The following EGFLAM variants were observed in gnomAD, a reference collection of about 807,000 sequenced individuals.
EGFLAM encodes pikachurin.
EGFLAM carries 79 observed loss-of-function variants against 113.1 expected under a neutral mutation model. That is an observed-to-expected ratio of 0.70 (90% CI 0.58 to 0.84). EGFLAM has a LOEUF of 0.84. Ranked by LOEUF, EGFLAM falls within the 40% of genes least tolerant of loss-of-function variation. The probability of loss-of-function intolerance (pLI) is 0.00; values close to 1 mark genes in which losing one functional copy is unlikely to be tolerated. For synonymous variants in EGFLAM, 504 were observed against 487.6 expected, an observed-to-expected ratio of 1.03 and a Z score of -0.44; for missense variants, 1,265 against 1,291.6, an observed-to-expected ratio of 0.98 and a Z score of 0.32.
chr5:38,260,502 C>T (rs1292554171), intron 1 of EGFLAM, among the ~76,000 whole-genome samples: 4 of 152,106 alleles, frequency 2.6e-5, no homozygotes, highest in Non-Finnish European at 5.9e-5. Context: ...CTACCTGGTT[C>T]ATTCAGGGTC....
At chr5:38,374,251 C>T (rs1740306064) in intron 6 of EGFLAM, among the ~76,000 whole-genome samples, 1 of 152,096 alleles carries the variant, frequency 6.6e-6, no homozygotes, top group Non-Finnish European at 1.5e-5. Context: ...TTTATCAAGA[C>T]AGGGGAATTG....
chr5:38,275,392 G>A (rs1224307213), intron 1 of EGFLAM, among the ~76,000 whole-genome samples: 1 of 151,970 alleles, frequency 6.6e-6, no homozygotes, highest in African/African-American at 2.4e-5. Flanking sequence ...CTGTGCAAAT[G>A]GAAACCAAAA....
intron 5 of EGFLAM, among the ~76,000 whole-genome samples, chr5:38,357,397 A>G (rs1017315918): frequency 6.6e-6 from 1 of 152,160 alleles, no homozygotes; most frequent in African/African-American, 2.4e-5. Flanking sequence ...TGTTGTTTAT[A>G]AGTTACCTAG....
At chr5:38,279,345 A>T (rs1896659) in intron 1 of EGFLAM, among the ~76,000 whole-genome samples, 92,531 of 151,998 alleles carry the variant, frequency 0.61, 29,082 homozygotes, top group African/African-American at 0.75. Context: ...TACCATATGA[A>T]CCAGCAATCC....
chr5:38,374,107 A>C (rs1740301997), intron 6 of EGFLAM, among the ~76,000 whole-genome samples: 1 of 152,120 alleles, frequency 6.6e-6, no homozygotes, highest in African/African-American at 2.4e-5. Flanking sequence ...TTTAATTTGC[A>C]TTTCTCTGAT....
chr5:38,444,674 G>A (rs1448038215), intron 17 of EGFLAM, among the ~76,000 whole-genome samples: 1 of 152,220 alleles, frequency 6.6e-6, no homozygotes, highest in Admixed American at 6.5e-5. Context: ...GCCAGGCGCA[G>A]TGGCTCACAC....
chr5:38,463,785 G>A, intron 21 of EGFLAM, 47 bp from the exon 22 acceptor site: 1 of 1,601,454 alleles, frequency 6.2e-7, no homozygotes, highest in Non-Finnish European at 8.5e-7. Flanking sequence ...TTGCCCTGCG[G>A]ACACCTGTCC....
chr5:38,445,512 C>T (rs1464265925), intron 17 of EGFLAM: 3 of 1,523,804 alleles, frequency 2.0e-6, no homozygotes, highest in Non-Finnish European at 1.8e-6. Flanking sequence ...TGGTTCCCCG[C>T]GGGGCTCATA....
intron 1 of EGFLAM, among the ~76,000 whole-genome samples, chr5:38,313,709 G>T (rs13177214): frequency 0.39 from 59,532 of 152,034 alleles, 13,081 homozygotes; most frequent in East Asian, 0.67. Flanking sequence ...GGCCCTCAGG[G>T]TTGCAATAAG....
chr5:38,359,204 G>A (rs956317348), intron 5 of EGFLAM, among the ~76,000 whole-genome samples: 1 of 152,158 alleles, frequency 6.6e-6, no homozygotes, highest in Non-Finnish European at 1.5e-5. Context: ...TCCAATCGGG[G>A]TGCCATGCCT....
intron 1 of EGFLAM, among the ~76,000 whole-genome samples, chr5:38,326,650 G>A (rs563311316): frequency 2.6e-4 from 39 of 151,586 alleles, no homozygotes; most frequent in South Asian, 4.2e-4. Flanking sequence ...CTGCCACCAC[G>A]CCTGGCGTTT....
At chr5:38,338,604 C>G in intron 2 of EGFLAM, 94 bp from the exon 3 acceptor site, 2 of 1,208,644 alleles carry the variant, frequency 1.7e-6, no homozygotes, top group Non-Finnish European at 2.4e-6. Flanking sequence ...GGCAACGCAC[C>G]TCAGAGCCTG....
intron 12 of EGFLAM, among the ~76,000 whole-genome samples, chr5:38,421,493 C>G (rs564638941): frequency 6.6e-6 from 1 of 152,334 alleles, no homozygotes; most frequent in South Asian, 2.1e-4. Context: ...GGCTTACGAG[C>G]TCTTTTCCTC....
At chr5:38,370,213 C>G in intron 5 of EGFLAM, 83 bp from the exon 6 acceptor site, 3 of 1,401,176 alleles carry the variant, frequency 2.1e-6, no homozygotes, top group Non-Finnish European at 3.0e-6. Flanking sequence ...AGTTCAAATG[C>G]TATTAGTTTA....
intron 5 of EGFLAM, among the ~76,000 whole-genome samples, chr5:38,353,776 T>C (rs1739689410): frequency 6.6e-6 from 1 of 152,244 alleles, no homozygotes; most frequent in African/African-American, 2.4e-5. Context: ...TGCGCCTCTC[T>C]GTTTTAGTGG....
At chr5:38,397,528 A>G (rs1196259451) in intron 6 of EGFLAM, among the ~76,000 whole-genome samples, 1 of 152,164 alleles carries the variant, frequency 6.6e-6, no homozygotes, top group Non-Finnish European at 1.5e-5. Flanking sequence ...CCAGGGCTCA[A>G]GCAATCTTCC....
chr5:38,464,172 A>C lies in EGFLAM; in HGVS notation c.*186A>C. The C allele has an allele frequency of 2.9e-6, 2 of 691,518 alleles. No homozygotes were observed. The highest frequency in any genetic ancestry group is 4.7e-6 in the Non-Finnish European group (2 of 426,534). The allele number at this position is 691,518 out of a possible 1,614,324, so 42.8% of individuals were successfully genotyped here. On this transcript the variant is annotated 3_prime_UTR_variant, in exon 22 of 22. Transcript: ENST00000322350. ...CATCCCTGGGTGGCCTTTCCTGCTG[A>C]CACTCCACGAGCTGACCCAGCAGAA... is the stretch of plus-strand genomic sequence containing the variant.
At chr5:38,368,406 T>C (rs913019144) in intron 5 of EGFLAM, among the ~76,000 whole-genome samples, 1 of 152,170 alleles carries the variant, frequency 6.6e-6, no homozygotes, top group Non-Finnish European at 1.5e-5. Context: ...GTTAACACAC[T>C]ACCCCCAGCT....
chr5:38,335,766 A>G (rs1579787373), intron 1 of EGFLAM, among the ~76,000 whole-genome samples: 1 of 152,228 alleles, frequency 6.6e-6, no homozygotes, highest in African/African-American at 2.4e-5. Context: ...TTGATCCACT[A>G]GAAAAACTTT....
Sources: allele counts gnomAD v4.1 joint callset (sites outside exome capture counted in the v4.1 genomes callset), GRCh38; gene constraint gnomAD v4.1.1; transcripts MANE v1.5; gene names NCBI Gene and HGNC (gene_info 2026-07-23, HGNC 2026-07-21).